CRIM1: variants seen among roughly 807,000 people sequenced by gnomAD.
CRIM1 encodes the protein cysteine-rich motor neuron 1 protein.
A neutral mutation model predicts 116.4 loss-of-function variants in CRIM1; 32 were observed. That is an observed-to-expected ratio of 0.27 (90% confidence interval 0.21 to 0.37). The LOEUF is 0.37. Among genes scored for constraint, CRIM1 ranks in the 10% least tolerant of loss-of-function variants. The pLI is 1.00. For missense variants in CRIM1, 1,331 were observed against 1,354.8 expected (o/e 0.98, Z 0.28); for synonymous variants, 590 against 509.2 (o/e 1.16, Z -2.13).
intron 2 of CRIM1, among the ~76,000 whole-genome samples, chr2:36,405,429 A>C (rs1672711029): frequency 6.6e-6 from 1 of 152,188 alleles, no homozygotes; most frequent in Non-Finnish European, 1.5e-5. Context: ...TACGGAGCTG[A>C]AGGTCCATGG....
intron 13 of CRIM1, among the ~76,000 whole-genome samples, chr2:36,533,957 G>A (rs1267211449): frequency 6.6e-6 from 1 of 150,378 alleles, no homozygotes; most frequent in Non-Finnish European, 1.5e-5. Context: ...AAGGAAAGAG[G>A]GTGGGAGGGA....
At position 36,464,526 on chromosome 2, in the gene CRIM1, G is replaced by T. The variant is rs780648035; in HGVS notation, c.870-8G>T. On this transcript the variant is annotated splice_region_variant and splice_polypyrimidine_tract_variant and intron_variant, in intron 4 of 16. Coordinates refer to ENST00000280527, the MANE Select transcript of CRIM1 (RefSeq NM_016441.3). ...ATGGGGTTTTCCTTCCCTTTTCTTT[G>T]GTTTCAGATGCGAGTGTCTCTCTGG... 6.2e-7 allele frequency: 1 copy of T among 1,613,752 alleles called. No individual in the cohort carries two copies.
At chr2:36,512,190 T>G in intron 9 of CRIM1, 83 bp from the exon 10 acceptor site, 1 of 1,497,630 alleles carries the variant, frequency 6.7e-7, no homozygotes, top group South Asian at 1.2e-5. Flanking sequence ...GCAATATCAC[T>G]TTATTGACCC....
chr2:36,463,585 C>T (rs903906472), intron 4 of CRIM1, among the ~76,000 whole-genome samples: 1 of 152,214 alleles, frequency 6.6e-6, no homozygotes, highest in East Asian at 1.9e-4. Flanking sequence ...GGGCAGAAAT[C>T]TAGCGGCTCT....
intron 1 of CRIM1, among the ~76,000 whole-genome samples, chr2:36,360,318 T>C (rs1669134982): frequency 6.6e-6 from 1 of 152,238 alleles, no homozygotes; most frequent in South Asian, 2.1e-4. Context: ...CCGAGGACTC[T>C]GTTGTATTAG....
intron 2 of CRIM1, among the ~76,000 whole-genome samples, chr2:36,425,049 T>TAC (rs368004365): frequency 6.6e-6 from 1 of 152,276 alleles, no homozygotes; most frequent in African/African-American, 2.4e-5. Flanking sequence ...CGTAAGCAGT[T>TAC]AAAGTCAGGC....
intron 2 of CRIM1, among the ~76,000 whole-genome samples, chr2:36,432,095 A>G (rs888537377): frequency 2.6e-5 from 4 of 152,224 alleles, no homozygotes; most frequent in Admixed American, 6.5e-5. Context: ...TGAGCTGGCT[A>G]TACAAATTTA....
intron 2 of CRIM1, among the ~76,000 whole-genome samples, chr2:36,399,164 AT>A (rs1672245368): frequency 6.6e-6 from 1 of 152,230 alleles, no homozygotes; most frequent in Non-Finnish European, 1.5e-5. Context: ...ATAGGACCAG[AT>A]TATGAAATGT....
chr2:36,387,944 C>A (rs1450834591), intron 1 of CRIM1, among the ~76,000 whole-genome samples: 6 of 148,956 alleles, frequency 4.0e-5, no homozygotes, highest in Non-Finnish European at 7.4e-5. Context: ...AAGTTGGATG[C>A]TTAGTTCATT....
chr2:36,472,950 A>T (rs1234722576), intron 5 of CRIM1, among the ~76,000 whole-genome samples: 1 of 152,170 alleles, frequency 6.6e-6, no homozygotes, highest in Non-Finnish European at 1.5e-5. Context: ...TTCTGAAAAA[A>T]TGTTGTATCC....
intron 2 of CRIM1, among the ~76,000 whole-genome samples, chr2:36,421,963 T>C (rs1410546541): frequency 6.6e-6 from 1 of 152,124 alleles, no homozygotes; most frequent in African/African-American, 2.4e-5. Context: ...ATTAATAAAA[T>C]AGGTAAGCAC....
At chr2:36,411,375 T>C (rs1673189100) in intron 2 of CRIM1, among the ~76,000 whole-genome samples, 1 of 152,216 alleles carries the variant, frequency 6.6e-6, no homozygotes, top group Admixed American at 6.5e-5. Context: ...CCTTTTGATA[T>C]ATCAAGAACT....
intron 2 of CRIM1, among the ~76,000 whole-genome samples, chr2:36,398,883 G>A (rs1477927143): frequency 2.0e-5 from 3 of 152,124 alleles, no homozygotes; most frequent in Admixed American, 6.6e-5. Flanking sequence ...AAATAGTCAC[G>A]TCGTTAATAG....
At chr2:36,377,220 G>A (rs1670393145) in intron 1 of CRIM1, among the ~76,000 whole-genome samples, 1 of 152,174 alleles carries the variant, frequency 6.6e-6, no homozygotes, top group South Asian at 2.1e-4. Context: ...TGCCCTCTTG[G>A]CCCTGTTGCT....
At chr2:36,520,459 T>C (rs1422006406) in intron 12 of CRIM1, among the ~76,000 whole-genome samples, 1 of 152,206 alleles carries the variant, frequency 6.6e-6, no homozygotes, top group East Asian at 1.9e-4. Context: ...GAAGAAATTA[T>C]CCCTCGACGT....
At chr2:36,475,754 T>C (rs1678923685) in intron 5 of CRIM1, among the ~76,000 whole-genome samples, 1 of 152,224 alleles carries the variant, frequency 6.6e-6, no homozygotes, top group Non-Finnish European at 1.5e-5. Flanking sequence ...GAAGTTCCGT[T>C]CTATTCCTAG....
chr2:36,543,780 T>A (rs941379138), intron 14 of CRIM1, among the ~76,000 whole-genome samples: 2 of 151,238 alleles, frequency 1.3e-5, no homozygotes, highest in Admixed American at 6.6e-5. Flanking sequence ...CTGATCAAAC[T>A]GGATAATGTA....
chr2:36,396,481 G>T (rs1160399706), intron 1 of CRIM1, 133 bp from the exon 2 acceptor site: 3 of 554,010 alleles, frequency 5.4e-6, no homozygotes, highest in South Asian at 6.9e-5. Context: ...TAAAGTTTCA[G>T]CCAGACTGCC....
chr2:36,414,558 C>T (rs1008321894), intron 2 of CRIM1, among the ~76,000 whole-genome samples: 1 of 152,128 alleles, frequency 6.6e-6, no homozygotes, highest in African/African-American at 2.4e-5. Flanking sequence ...TTGCTGTTGA[C>T]GTACAGGGTA....
Sources: gnomAD v4.1 joint callset for allele counts (sites outside exome capture counted in the v4.1 genomes callset) on GRCh38, gnomAD v4.1.1 for gene constraint, MANE v1.5 for transcripts, NCBI Gene and HGNC (gene_info 2026-07-23, HGNC 2026-07-21) for gene names.